The following ASAP2 variants were observed in gnomAD, a reference collection of about 807,000 sequenced individuals.
The protein encoded by ASAP2 is arf-GAP with SH3 domain, ANK repeat and PH domain-containing protein 2.
Under a neutral mutation model 131.4 loss-of-function variants are expected in ASAP2, and 45 were observed. The ratio of observed to expected loss-of-function variants is 0.34; its 90% confidence interval spans 0.27 to 0.44. ASAP2 has a LOEUF of 0.44. Among genes scored for constraint, ASAP2 ranks in the 20% least tolerant of loss-of-function variants. The probability of loss-of-function intolerance (pLI) is 1.00; values close to 1 mark genes in which losing one functional copy is unlikely to be tolerated. For missense variants in ASAP2, 1,011 were observed against 1,297.0 expected, an observed-to-expected ratio of 0.78 and a Z score of 3.39; for synonymous variants, 510 against 503.0, an observed-to-expected ratio of 1.01 and a Z score of -0.19.
intron 1 of ASAP2, among the ~76,000 whole-genome samples, chr2:9,242,989 C>G (rs1013830791): frequency 6.6e-5 from 10 of 152,128 alleles, no homozygotes; most frequent in African/African-American, 2.4e-4. Context: ...TTTGGCCTAC[C>G]CTGCATGATG....
At chr2:9,328,141 A>G (rs1670596215) in intron 7 of ASAP2, among the ~76,000 whole-genome samples, 1 of 152,216 alleles carries the variant, frequency 6.6e-6, no homozygotes, top group East Asian at 1.9e-4. Flanking sequence ...AAGGTCAGGA[A>G]TAAGTACATC....
chr2:9,400,015 C>T lies in ASAP2; in HGVS notation c.2685-8C>T, dbSNP rs1328452711. The T allele has an allele frequency of 6.2e-7, 1 of 1,612,980 alleles. No individual in the cohort carries two copies. Among genetic ancestry groups the T allele is most frequent in the Non-Finnish European group, 8.5e-7 (1 of 1,179,552 alleles). The stretch of plus-strand genomic sequence containing the variant: ...AGCAGTAAATCTACTTTTTCCCTGT[C>T]TTTGTAGGGCTGACAAGTCCACCCC... On this transcript the variant is annotated splice_region_variant and splice_polypyrimidine_tract_variant and intron_variant, in intron 24 of 27. Coordinates refer to ENST00000281419, the MANE Select transcript of ASAP2 (RefSeq NM_003887.3).
At chr2:9,272,652 T>C (rs899575800) in intron 1 of ASAP2, among the ~76,000 whole-genome samples, 3 of 152,120 alleles carry the variant, frequency 2.0e-5, no homozygotes, top group Non-Finnish European at 1.5e-5. Flanking sequence ...GTCCTGCAGT[T>C]TCTCCATTTC....
intron 16 of ASAP2, among the ~76,000 whole-genome samples, chr2:9,373,999 T>G (rs1674189139): frequency 6.6e-6 from 1 of 152,168 alleles, no homozygotes; most frequent in African/African-American, 2.4e-5. Flanking sequence ...TGAGGATGTA[T>G]TGTGTGCATT....
intron 2 of ASAP2, among the ~76,000 whole-genome samples, chr2:9,291,924 A>G (rs1667838422): frequency 6.6e-6 from 1 of 152,010 alleles, no homozygotes; most frequent in Non-Finnish European, 1.5e-5. Flanking sequence ...GCTCTTATCT[A>G]GGCTAAGAGC....
chr2:9,237,695 C>T (rs1217168814), intron 1 of ASAP2, among the ~76,000 whole-genome samples: 3 of 152,152 alleles, frequency 2.0e-5, no homozygotes, highest in Non-Finnish European at 4.4e-5. Flanking sequence ...GCTGGGATTA[C>T]AGGCATGAGC....
rs905305162 is a variant in ASAP2, at chr2:9,319,517, C to T, written c.421-771C>T. ...GAAGGCATCCCAGGCAGAGGAAAGG[C>T]GCAGGTGCGCACAGGGAGCAGGGCT... On this transcript the variant is annotated intron_variant, in intron 4 of 27. Transcript: ENST00000281419. 2.0e-5 allele frequency among the ~76,000 whole-genome samples: 3 copies of T among 152,224 alleles called. No homozygotes were observed. In the East Asian group the frequency reaches 5.8e-4, roughly 29 times the overall value.
intron 1 of ASAP2, among the ~76,000 whole-genome samples, chr2:9,250,901 T>A (rs1664656493): frequency 6.6e-6 from 1 of 152,218 alleles, no homozygotes. Context: ...ACTCGGGGCT[T>A]GCTCCCGGGG....
chr2:9,250,716 A>C (rs895163646), intron 1 of ASAP2, among the ~76,000 whole-genome samples: 2 of 152,246 alleles, frequency 1.3e-5, no homozygotes, highest in African/African-American at 2.4e-5. Context: ...AATCAGAGCC[A>C]GGGTGGAGCG....
intron 16 of ASAP2, among the ~76,000 whole-genome samples, chr2:9,371,114 G>A (rs560861070): frequency 1.3e-5 from 2 of 152,160 alleles, no homozygotes; most frequent in African/African-American, 4.8e-5. Context: ...CAGTATGAAC[G>A]TTCTGTCTGC....
rs1408975953 is a variant in ASAP2, at chr2:9,400,047, C to T, written c.2709C>T (p.Thr903=). Residue 903 remains threonine, a synonymous_variant, in exon 25 of 28, where the codon ACC becomes ACT. Transcript: ENST00000281419. ...GGGCTGACAAGTCCACCCCACTGAC[C>T]AACAAAGGCCAACCGAGAGGACCTG... The part of the protein sequence containing the change: ...APGADKSTPL[T]NKGQPRGPVD... The T allele has an allele frequency of 6.2e-7, 1 of 1,613,256 alleles. No homozygotes were observed. The highest frequency in any genetic ancestry group is 8.5e-7 in the Non-Finnish European group (1 of 1,179,746).
At chr2:9,286,668 C>T (rs1667491195) in intron 2 of ASAP2, among the ~76,000 whole-genome samples, 1 of 152,114 alleles carries the variant, frequency 6.6e-6, no homozygotes, top group African/African-American at 2.4e-5. Flanking sequence ...CAAAGATGTT[C>T]ACTTTGTTGT....
At chr2:9,352,277 G>A (rs1256936375) in intron 12 of ASAP2, among the ~76,000 whole-genome samples, 1 of 151,836 alleles carries the variant, frequency 6.6e-6, no homozygotes, top group Non-Finnish European at 1.5e-5. Context: ...GGATACCTGT[G>A]TCTAGCTAGC....
intron 1 of ASAP2, among the ~76,000 whole-genome samples, chr2:9,278,503 A>AC (rs1666902416): frequency 7.4e-6 from 1 of 134,814 alleles, no homozygotes; most frequent in Non-Finnish European, 1.6e-5. Flanking sequence ...ACAGAGCGAG[A>AC]CCCCTTCTCA....
At chr2:9,377,262 C>T (rs1018924200) in intron 18 of ASAP2, among the ~76,000 whole-genome samples, 2 of 152,174 alleles carry the variant, frequency 1.3e-5, no homozygotes, top group African/African-American at 4.8e-5. Context: ...GGCTACTGAA[C>T]TTGGGGACCC....
Position 9,234,130 on chromosome 2 carries a change from A to AG in ASAP2, c.126+26900_126+26901insG, listed in dbSNP as rs1484324342. On this transcript the variant is annotated intron_variant, in intron 1 of 27. Transcript: ENST00000281419. ...TGTCTCAAAAAAAAAAAAAAAAAAA[A>AG]AGGAAGAGGGGAGTGGTTCACAGAG... Among the ~76,000 whole-genome samples the AG allele has an allele frequency of 2.7e-5, 4 of 150,380 alleles. No homozygotes were observed. In the Admixed American group the frequency reaches 2.7e-4, roughly 10 times the overall value.
At chr2:9,351,717 T>C (rs973364017) in intron 12 of ASAP2, among the ~76,000 whole-genome samples, 1 of 152,174 alleles carries the variant, frequency 6.6e-6, no homozygotes, top group Admixed American at 6.5e-5. Context: ...AGTTGACCTG[T>C]ATTATTGAGG....
chr2:9,317,117 A>ATCACTCACATCCACTTTCACACAC (rs139485860), intron 3 of ASAP2, among the ~76,000 whole-genome samples: 6 of 101,156 alleles, frequency 5.9e-5, no homozygotes, highest in African/African-American at 1.0e-4. Flanking sequence ...ACCCCACGCA[A>ATCACTCACATCCACTTTCACACAC]TCACAACCAC....
At chr2:9,386,227 C>G (rs1675250429) in intron 21 of ASAP2, among the ~76,000 whole-genome samples, 1 of 151,868 alleles carries the variant, frequency 6.6e-6, no homozygotes, top group Non-Finnish European at 1.5e-5. Context: ...AGTAGGTAAC[C>G]AGATGGCATT....
Sources: allele counts gnomAD v4.1 joint callset (sites outside exome capture counted in the v4.1 genomes callset), GRCh38; gene constraint gnomAD v4.1.1; transcripts MANE v1.5; gene names NCBI Gene and HGNC (gene_info 2026-07-23, HGNC 2026-07-21).